The following MAGI2 variants were observed in gnomAD, a reference collection of about 807,000 sequenced individuals.
The protein encoded by MAGI2 is membrane-associated guanylate kinase, WW and PDZ domain-containing protein 2.
In MAGI2, 35 loss-of-function variants were observed where a neutral mutation model predicts 133.3. That is an observed-to-expected ratio of 0.26 (90% confidence interval 0.20 to 0.35). The LOEUF (loss-of-function observed/expected upper bound fraction) is 0.35, where lower values mean the gene tolerates loss of function less well. Among genes scored for constraint, MAGI2 ranks in the 10% least tolerant of loss-of-function variants. The pLI, the probability that MAGI2 is intolerant of heterozygous loss-of-function variation, is 1.00. For synonymous variants in MAGI2, 729 were observed against 710.6 expected (o/e 1.03, Z -0.41); for missense variants, 1,636 against 1,863.4 (o/e 0.88, Z 2.25).
intron 3 of MAGI2, chr7:78,615,654 G>A (rs1807003742): frequency 6.6e-6 from 1 of 152,150 alleles, no homozygotes; most frequent in African/African-American, 2.4e-5. Flanking sequence ...GTTTACATAT[G>A]GCATGGAGGT....
intron 2 of MAGI2, among the ~76,000 whole-genome samples, chr7:78,670,715 A>C (rs1381596782): frequency 1.3e-5 from 2 of 152,200 alleles, no homozygotes; most frequent in Non-Finnish European, 2.9e-5. Context: ...TACCGGTACC[A>C]AAACAGAGAT....
chr7:78,697,604 T>C (rs1817650016), intron 2 of MAGI2, among the ~76,000 whole-genome samples: 1 of 152,084 alleles, frequency 6.6e-6, no homozygotes, highest in Non-Finnish European at 1.5e-5. Flanking sequence ...ATAATAGCAA[T>C]ACAAAAAAAG....
intron 21 of MAGI2, among the ~76,000 whole-genome samples, chr7:78,075,298 G>A (rs977494447): frequency 2.6e-5 from 4 of 152,080 alleles, no homozygotes; most frequent in African/African-American, 9.7e-5. Context: ...AAGCCTGCAT[G>A]TGGATTCCTC....
At chr7:78,208,692 AT>A (rs34097630) in intron 10 of MAGI2, among the ~76,000 whole-genome samples, 63,794 of 147,496 alleles carry the variant, frequency 0.43, 13,725 homozygotes, top group South Asian at 0.57. Flanking sequence ...AATGTATAGC[AT>A]TTTTTTTTTT....
At chr7:78,329,832 A>G (rs570531765) in intron 9 of MAGI2, among the ~76,000 whole-genome samples, 1 of 152,234 alleles carries the variant, frequency 6.6e-6, no homozygotes, top group Non-Finnish European at 1.5e-5. Flanking sequence ...TTAGTGTCAG[A>G]TAATGCATAC....
intron 9 of MAGI2, among the ~76,000 whole-genome samples, chr7:78,329,243 G>A (rs944093590): frequency 6.6e-5 from 10 of 152,072 alleles, no homozygotes; most frequent in African/African-American, 1.4e-4. Context: ...AGACTCCAGT[G>A]CACTCTATCT....
chr7:78,208,381 T>C (rs1466920595), intron 10 of MAGI2, among the ~76,000 whole-genome samples: 2 of 151,988 alleles, frequency 1.3e-5, no homozygotes, highest in Admixed American at 6.6e-5. Context: ...CTCAGCTATA[T>C]AAAGGATAGG....
chr7:79,367,677 T>A (rs1842786862), intron 1 of MAGI2, among the ~76,000 whole-genome samples: 1 of 151,838 alleles, frequency 6.6e-6, no homozygotes. Flanking sequence ...CATAAATATA[T>A]GCTCAATACA....
intron 3 of MAGI2, chr7:78,618,210 G>A (rs1469357383): frequency 6.6e-6 from 1 of 151,924 alleles, no homozygotes; most frequent in East Asian, 1.9e-4. Context: ...TATCTATGGG[G>A]ATATTTCAGA....
chr7:78,530,847 T>C (rs1354286783), intron 3 of MAGI2, among the ~76,000 whole-genome samples: 1 of 152,190 alleles, frequency 6.6e-6, no homozygotes, highest in Non-Finnish European at 1.5e-5. Context: ...AGGATTAAAA[T>C]AGGCTTCATA....
intron 2 of MAGI2, among the ~76,000 whole-genome samples, chr7:78,738,276 A>C (rs1199655411): frequency 6.6e-6 from 1 of 152,158 alleles, no homozygotes; most frequent in Non-Finnish European, 1.5e-5. Context: ...TGCTTTAAGA[A>C]TCTGTTCAAT....
chr7:78,648,165 A>G (rs1432474706), intron 2 of MAGI2, among the ~76,000 whole-genome samples: 1 of 152,190 alleles, frequency 6.6e-6, no homozygotes, highest in East Asian at 1.9e-4. Flanking sequence ...ACACTACAAA[A>G]TTTCCAAAAA....
chr7:78,275,134 G>C (rs907604514), intron 9 of MAGI2, among the ~76,000 whole-genome samples: 4 of 152,232 alleles, frequency 2.6e-5, no homozygotes, highest in Non-Finnish European at 4.4e-5. Context: ...GAAAAGCACA[G>C]TATCTGGACT....
At chr7:78,839,783 C>T (rs983520653) in intron 2 of MAGI2, among the ~76,000 whole-genome samples, 9 of 152,044 alleles carry the variant, frequency 5.9e-5, no homozygotes, top group African/African-American at 1.9e-4. Context: ...TGTTATACTA[C>T]AGTTTATAGT....
At chr7:78,469,471 T>C (rs945878976) in intron 6 of MAGI2, among the ~76,000 whole-genome samples, 8 of 152,108 alleles carry the variant, frequency 5.3e-5, no homozygotes, top group African/African-American at 1.9e-4. Flanking sequence ...TACACAACTG[T>C]ACACAAAGTC....
intron 10 of MAGI2, among the ~76,000 whole-genome samples, chr7:78,221,505 C>T (rs1371843409): frequency 1.3e-5 from 2 of 151,936 alleles, no homozygotes; most frequent in African/African-American, 4.8e-5. Flanking sequence ...CTGAGAGTGG[C>T]CAAAACTATG....
chr7:78,238,510 G>A (rs746452174), intron 10 of MAGI2, among the ~76,000 whole-genome samples: 1 of 151,552 alleles, frequency 6.6e-6, no homozygotes, highest in Non-Finnish European at 1.5e-5. Flanking sequence ...AGGCTAGCCT[G>A]GGCAAAATAA....
intron 9 of MAGI2, among the ~76,000 whole-genome samples, chr7:78,264,617 G>A (rs1267800326): frequency 6.6e-6 from 1 of 152,114 alleles, no homozygotes; most frequent in African/African-American, 2.4e-5. Context: ...GGTGGGAGGT[G>A]ACAGGGCATT....
intron 9 of MAGI2, among the ~76,000 whole-genome samples, chr7:78,328,163 C>T (rs913085954): frequency 3.3e-5 from 5 of 151,868 alleles, no homozygotes; most frequent in South Asian, 2.1e-4. Context: ...CACCTTTTCT[C>T]GAGGAAATGG....
Sources: gnomAD v4.1 joint callset for allele counts (sites outside exome capture counted in the v4.1 genomes callset) on GRCh38, gnomAD v4.1.1 for gene constraint, MANE v1.5 for transcripts, NCBI Gene and HGNC (gene_info 2026-07-23, HGNC 2026-07-21) for gene names.